The following EXD3 variants were observed in gnomAD, a reference collection of about 807,000 sequenced individuals.
EXD3 encodes exonuclease mut-7 homolog.
A neutral mutation model predicts 98.0 loss-of-function variants in EXD3; 92 were observed. The ratio of observed to expected loss-of-function variants is 0.94; its 90% CI spans 0.79 to 1.12. The LOEUF is 1.12. Ranked by LOEUF, EXD3 falls within the 50% of genes most tolerant of loss-of-function variation. The pLI is 0.00. For synonymous variants in EXD3, 569 were observed against 526.0 expected (o/e 1.08, Z -1.12); for missense variants, 1,222 against 1,191.6 (o/e 1.03, Z -0.38).
In EXD3 at chr9:137,310,040, T is replaced by C. The variant is rs565571858; in HGVS notation, c.2185-340A>G. 2.5e-4 allele frequency among the ~76,000 whole-genome samples: 38 copies of C among 152,384 alleles called. 1 individual carries two copies. The South Asian group carries it at 7.7e-3, about 31-fold the overall frequency. On this transcript the variant is annotated intron_variant, in intron 19 of 21. Coordinates refer to ENST00000340951, the MANE Select transcript of EXD3 (RefSeq NM_017820.5). ...CCGTGGGCCACCTCAGCTGGCGTGT[T>C]GGACACAGGGCCCAGCCTTAAGGGG...
chr9:137,420,511 A>G (rs990824925), intron 1 of EXD3, among the ~76,000 whole-genome samples: 2 of 152,170 alleles, frequency 1.3e-5, no homozygotes, highest in Non-Finnish European at 2.9e-5. Flanking sequence ...TGGTTATTCT[A>G]CCAAGGCTTG....
At chr9:137,366,782 C>G in intron 6 of EXD3, 150 bp from the exon 7 acceptor site, 1 of 995,582 alleles carries the variant, frequency 1.0e-6, no homozygotes, top group Non-Finnish European at 1.4e-6. Flanking sequence ...CCAGTGCTCA[C>G]GCTCACACAC....
chr9:137,404,346 C>T (rs556135282), intron 1 of EXD3, among the ~76,000 whole-genome samples: 4 of 152,286 alleles, frequency 2.6e-5, no homozygotes, highest in African/African-American at 9.6e-5. Context: ...GGCCTCTGCA[C>T]ACTATTCCCT....
At chr9:137,417,100 C>T (rs2131841145) in intron 1 of EXD3, among the ~76,000 whole-genome samples, 1 of 152,338 alleles carries the variant, frequency 6.6e-6, no homozygotes, top group East Asian at 1.9e-4. Flanking sequence ...CGACCGAGCT[C>T]CCGGGCAAAG....
At chr9:137,401,703 C>T (rs1022430968) in intron 1 of EXD3, among the ~76,000 whole-genome samples, 36 of 152,216 alleles carry the variant, frequency 2.4e-4, no homozygotes, top group African/African-American at 8.4e-4. Context: ...TCAGCCACGG[C>T]TGGAGTGTCT....
Position 137,310,623 on chromosome 9 carries a change from G to C in EXD3, c.2185-923C>G, listed in dbSNP as rs1429669705. 2.0e-5 allele frequency among the ~76,000 whole-genome samples: 3 copies of C among 152,296 alleles called. No individual in the cohort carries two copies. The East Asian group carries it at 5.8e-4, about 29-fold the overall frequency. On this transcript the variant is annotated intron_variant, in intron 19 of 21. Transcript: ENST00000340951. ...GGGAGGCTAGGACCAGCTTACACCC[G>C]AGTCCTGACTTGGAGCGGGGTGCAC...
At chr9:137,414,021 A>G (rs928455617) in intron 1 of EXD3, among the ~76,000 whole-genome samples, 9 of 145,110 alleles carry the variant, frequency 6.2e-5, no homozygotes, top group Admixed American at 1.4e-4. Context: ...GGTTTACGCC[A>G]TTCTCCTGCC....
rs145317072 is a variant in EXD3, at chr9:137,387,204, G to A, written c.56-3827C>T. On this transcript the variant is annotated intron_variant, in intron 2 of 21. Coordinates refer to ENST00000340951, the MANE Select transcript of EXD3 (RefSeq NM_017820.5). ...CGGCCCCTGCCCTTCTGCCCCTGTC[G>A]CTTCACTGTGGCCTCAACGCTGAGC... Among the ~76,000 whole-genome samples, 428 of 151,306 alleles carry A rather than the reference G, an allele frequency of 2.8e-3. 5 individuals carry two copies. Among genetic ancestry groups the A allele is most frequent in the South Asian group, 0.024 (115 of 4,832 alleles).
chr9:137,352,141 C>G lies in EXD3; in HGVS notation c.1098G>C (p.Leu366=), dbSNP rs768585193. 12 of 1,612,780 alleles carry G rather than the reference C, an allele frequency of 7.4e-6. No homozygotes were observed. The African/African-American group carries it at 1.5e-4, about 20-fold the overall frequency. The change falls in exon 12 of 22, where the codon CTG becomes CTC. Residue 366 remains leucine (L), a synonymous_variant. Transcript: ENST00000340951. ...GGTGGACGTTCTCCCTGGGGATGGG[C>G]AGCTGGTAGTAACGGTCCTTCATGT... ...VKDMKDRYYQ[L]PIPRENVHLL...
chr9:137,352,666 G>A lies in EXD3; in HGVS notation c.991C>T (p.Pro331Ser), dbSNP rs1251691554. 1.9e-6 allele frequency: 3 copies of A among 1,550,782 alleles called. No individual in the cohort carries two copies. The highest frequency in any genetic ancestry group is 2.6e-6 in the Non-Finnish European group (3 of 1,147,834). Reference protein sequence around the residue: ...MELLLPEERLPAAVAVELRRF... With the variant: ...MELLLPEERLSAAVAVELRRF... ...CGGAGTTCCACAGCCACCGCAGCCG[G>A]CAGCCGCTCCTCGGGCAGCAAGAGT... The change falls in exon 11 of 22, where the codon CCG (proline) becomes TCG (serine). Residue 331 changes from proline (P) to serine (S), a missense_variant. Physicochemically the swap from Pro to Ser is moderately conservative, Grantham distance 74. Transcript: ENST00000340951.
At position 137,351,033 on chromosome 9, in the gene EXD3, C is replaced by G. The variant is rs748293433; in HGVS notation, c.1494+5G>C. The G allele has an allele frequency of 1.4e-5, 21 of 1,554,242 alleles. No homozygotes were observed. The highest frequency in any genetic ancestry group is 1.7e-5 in the Non-Finnish European group (19 of 1,149,416). ...CATCTTGTGAGCGGCTCAGTGGGTGCCCACCTGTCTGTGCACCAGCAGCAG... is the reference window on the plus strand; with the variant it reads ...CATCTTGTGAGCGGCTCAGTGGGTGGCCACCTGTCTGTGCACCAGCAGCAG... On this transcript the variant is annotated splice_donor_5th_base_variant and intron_variant, in intron 14 of 21. Coordinates refer to ENST00000340951, the MANE Select transcript of EXD3 (RefSeq NM_017820.5).
intron 17 of EXD3, among the ~76,000 whole-genome samples, chr9:137,340,016 G>A (rs1833563706): frequency 6.6e-6 from 1 of 152,114 alleles, no homozygotes; most frequent in Admixed American, 6.6e-5. Flanking sequence ...AAGAGCCAGG[G>A]GCATTTAGCA....
chr9:137,388,432 G>T (rs2131738988), intron 2 of EXD3, among the ~76,000 whole-genome samples: 1 of 152,300 alleles, frequency 6.6e-6, no homozygotes, highest in South Asian at 2.1e-4. Context: ...CCCGGCTAAT[G>T]GGGCTGCCTT....
chr9:137,317,440 T>C (rs1207946524), intron 19 of EXD3, among the ~76,000 whole-genome samples: 3 of 152,054 alleles, frequency 2.0e-5, no homozygotes, highest in Non-Finnish European at 4.4e-5. Flanking sequence ...CTCGGCATGC[T>C]GCGTGGCCCT....
intron 20 of EXD3, 83 bp from the exon 21 acceptor site, chr9:137,307,729 C>T (rs781570363): frequency 1.8e-5 from 27 of 1,501,832 alleles, no homozygotes; most frequent in Middle Eastern, 1.7e-4. Context: ...CGCAGCCATG[C>T]GGCTGAGCAC....
chr9:137,375,678 A>G (rs1238997395), intron 3 of EXD3, among the ~76,000 whole-genome samples: 2 of 149,080 alleles, frequency 1.3e-5, no homozygotes, highest in Non-Finnish European at 3.0e-5. Context: ...TCTAGCTCTC[A>G]TGAGTTCTAG....
chr9:137,342,663 G>A (rs146641256), intron 17 of EXD3, among the ~76,000 whole-genome samples: 242 of 152,284 alleles, frequency 1.6e-3, no homozygotes, highest in African/African-American at 5.0e-3. Context: ...AACCACCTTC[G>A]TCATTAGGGA....
intron 7 of EXD3, chr9:137,365,482 CAT>C (rs1368644672): frequency 1.3e-5 from 2 of 155,556 alleles, no homozygotes; most frequent in Non-Finnish European, 2.8e-5. Context: ...TGTCATCCCT[CAT>C]ATCTCACACA....
At chr9:137,356,447 T>C (rs759969088) in intron 7 of EXD3, 79 bp from the exon 8 acceptor site, 24 of 935,790 alleles carry the variant, frequency 2.6e-5, no homozygotes, top group East Asian at 2.1e-4. Flanking sequence ...ATCATAGTCA[T>C]ATGCATGCAT....
Sources: allele counts gnomAD v4.1 joint callset (sites outside exome capture counted in the v4.1 genomes callset), GRCh38; gene constraint gnomAD v4.1.1; transcripts MANE v1.5; gene names NCBI Gene and HGNC (gene_info 2026-07-23, HGNC 2026-07-21).